CNTNAP5: variants seen among roughly 807,000 people sequenced by gnomAD.
CNTNAP5 encodes the protein contactin-associated protein-like 5.
CNTNAP5 carries 72 observed loss-of-function variants against 150.2 expected under a neutral mutation model. The ratio of observed to expected loss-of-function variants is 0.48; its 90% CI spans 0.40 to 0.58. CNTNAP5 has a LOEUF of 0.58. Among genes scored for constraint, CNTNAP5 ranks in the 20% least tolerant of loss-of-function variants. The pLI, the probability that CNTNAP5 is intolerant of heterozygous loss-of-function variation, is 0.00. For missense variants in CNTNAP5, 1,636 were observed against 1,626.2 expected, an observed-to-expected ratio of 1.01 and a Z score of -0.10; for synonymous variants, 672 against 619.8, an observed-to-expected ratio of 1.08 and a Z score of -1.25.
chr2:124,197,357 T>C (rs996724073), intron 1 of CNTNAP5, among the ~76,000 whole-genome samples: 1 of 152,220 alleles, frequency 6.6e-6, no homozygotes, highest in Admixed American at 6.5e-5. Flanking sequence ...TATAAATAAA[T>C]TGAGTTGACT....
chr2:124,407,126 G>C (rs970393817), intron 3 of CNTNAP5, among the ~76,000 whole-genome samples: 2 of 152,050 alleles, frequency 1.3e-5, no homozygotes, highest in African/African-American at 2.4e-5. Flanking sequence ...CTTTGCTGTT[G>C]TAAGTAGTGC....
chr2:124,753,437 G>C (rs1451620189), intron 14 of CNTNAP5, among the ~76,000 whole-genome samples: 1 of 152,188 alleles, frequency 6.6e-6, no homozygotes, highest in Non-Finnish European at 1.5e-5. Flanking sequence ...AGCCATGATA[G>C]AATTAGTTGA....
chr2:124,158,437 C>A (rs1684596753), intron 1 of CNTNAP5, among the ~76,000 whole-genome samples: 1 of 152,146 alleles, frequency 6.6e-6, no homozygotes, highest in African/African-American at 2.4e-5. Flanking sequence ...ACTTATAGTA[C>A]CTAATACTTG....
At chr2:124,713,646 G>T (rs1421648135) in intron 13 of CNTNAP5, among the ~76,000 whole-genome samples, 1 of 151,952 alleles carries the variant, frequency 6.6e-6, no homozygotes, top group Non-Finnish European at 1.5e-5. Flanking sequence ...AAAGTGCTGG[G>T]ATTACAGGCG....
At chr2:124,756,704 G>T (rs1309272085) in intron 14 of CNTNAP5, among the ~76,000 whole-genome samples, 1 of 152,072 alleles carries the variant, frequency 6.6e-6, no homozygotes, top group Non-Finnish European at 1.5e-5. Flanking sequence ...AAAAGTGGGG[G>T]TCGACTGATG....
intron 13 of CNTNAP5, among the ~76,000 whole-genome samples, chr2:124,695,673 G>T (rs113475031): frequency 1.3e-5 from 2 of 152,142 alleles, no homozygotes. Flanking sequence ...TGTGTTAATC[G>T]AAAGGAATCT....
intron 13 of CNTNAP5, among the ~76,000 whole-genome samples, chr2:124,713,492 C>T (rs1679882100): frequency 6.6e-6 from 1 of 151,328 alleles, no homozygotes; most frequent in Non-Finnish European, 1.5e-5. Context: ...ATTCTCCTGC[C>T]TCAGCCTCCC....
intron 21 of CNTNAP5, among the ~76,000 whole-genome samples, chr2:124,879,482 G>A (rs2104736076): frequency 6.6e-6 from 1 of 152,154 alleles, no homozygotes. Flanking sequence ...TTTTTCTCAC[G>A]AATGTGTGTG....
At position 124,599,680 on chromosome 2, in the gene CNTNAP5, A is replaced by G. The variant is rs573642460; in HGVS notation, c.1757-10121A>G. 1.2e-4 allele frequency among the ~76,000 whole-genome samples: 18 copies of G among 152,282 alleles called. No homozygotes were observed. In the East Asian group the frequency reaches 3.1e-3, roughly 26 times the overall value. On this transcript the variant is annotated intron_variant, in intron 11 of 23. Transcript: ENST00000682447. ...CTTTAAAAGGTTCATTTGAGAAACCATTTACTCTCACAATATTACAATCTT... is the reference window on the plus strand; with the variant it reads ...CTTTAAAAGGTTCATTTGAGAAACCGTTTACTCTCACAATATTACAATCTT...
At position 124,916,751 on chromosome 2, in the gene CNTNAP5, C is replaced by G. The variant is rs981910861; in HGVS notation, c.*2463C>G. 1.3e-5 allele frequency among the ~76,000 whole-genome samples: 2 copies of G among 152,038 alleles called. No homozygotes were observed. Among genetic ancestry groups the G allele is most frequent in the Non-Finnish European group, 2.9e-5 (2 of 67,992 alleles). On this transcript the variant is annotated 3_prime_UTR_variant, in exon 24 of 24. Transcript: ENST00000682447. Reference sequence around the variant, plus strand: ...ACAAAATCAACTGGCATCTTCCTCACGTGTGTAGACTCCATGCACACTACA... The same window carrying G: ...ACAAAATCAACTGGCATCTTCCTCAGGTGTGTAGACTCCATGCACACTACA...
intron 1 of CNTNAP5, among the ~76,000 whole-genome samples, chr2:124,094,444 G>A (rs141448769): frequency 6.6e-6 from 1 of 152,294 alleles, no homozygotes; most frequent in African/African-American, 2.4e-5. Flanking sequence ...TCTCTGGGCT[G>A]AGAGGCCATC....
Position 124,122,359 on chromosome 2 carries a change from G to C in CNTNAP5, c.82+96627G>C, listed in dbSNP as rs58030999. Among the ~76,000 whole-genome samples, 196 of 152,260 alleles carry C rather than the reference G, an allele frequency of 1.3e-3. 1 individual carries two copies. The highest frequency in any genetic ancestry group is 4.5e-3 in the African/African-American group (185 of 41,536). On this transcript the variant is annotated intron_variant, in intron 1 of 23. Coordinates refer to ENST00000682447, the MANE Select transcript of CNTNAP5 (RefSeq NM_001367498.1). ...ATAACAGCCCTTGCTTATTTTTAAA[G>C]TGTTTGCATATTGAATGATTCTGGT...
intron 3 of CNTNAP5, among the ~76,000 whole-genome samples, chr2:124,269,739 C>T (rs1256347007): frequency 6.6e-6 from 1 of 152,076 alleles, no homozygotes; most frequent in East Asian, 1.9e-4. Context: ...ATTCAAGTCA[C>T]GACCTTATCC....
intron 12 of CNTNAP5, among the ~76,000 whole-genome samples, chr2:124,626,739 G>A (rs1000899829): frequency 5.3e-5 from 8 of 152,168 alleles, no homozygotes; most frequent in African/African-American, 1.9e-4. Context: ...GGGGGCTGTA[G>A]CCAGGGAGCC....
At position 124,027,321 on chromosome 2, in the gene CNTNAP5, T is replaced by C. The variant is rs369436697; in HGVS notation, c.82+1589T>C. On this transcript the variant is annotated intron_variant, in intron 1 of 23. Coordinates refer to ENST00000682447, the MANE Select transcript of CNTNAP5 (RefSeq NM_001367498.1). ...TCTCCACCTTCTAGAACACTAGAGGTCAGTATTGTCCTAATGATACAAAGG... is the reference window on the plus strand; with the variant it reads ...TCTCCACCTTCTAGAACACTAGAGGCCAGTATTGTCCTAATGATACAAAGG... Among the ~76,000 whole-genome samples the C allele has an allele frequency of 8.5e-5, 13 of 152,222 alleles. No individual in the cohort carries two copies. In the South Asian group the frequency reaches 2.7e-3, roughly 32 times the overall value.
chr2:124,875,611 CT>C (rs2104731963), intron 21 of CNTNAP5, among the ~76,000 whole-genome samples: 1 of 151,338 alleles, frequency 6.6e-6, no homozygotes, highest in Admixed American at 6.6e-5. Flanking sequence ...ATGCAAATTA[CT>C]TGGTATTTAG....
At chr2:124,268,097 C>T (rs576860343) in intron 3 of CNTNAP5, among the ~76,000 whole-genome samples, 54 of 152,266 alleles carry the variant, frequency 3.5e-4, no homozygotes, top group African/African-American at 8.2e-4. Flanking sequence ...GGCTATCTTT[C>T]GACCAATAGA....
intron 13 of CNTNAP5, among the ~76,000 whole-genome samples, chr2:124,703,375 A>G (rs1247255471): frequency 6.6e-6 from 1 of 152,076 alleles, no homozygotes; most frequent in Non-Finnish European, 1.5e-5. Flanking sequence ...ATTGGCTAAT[A>G]TCTTCATGTC....
chr2:124,597,468 G>GC (rs1355987015), intron 11 of CNTNAP5, among the ~76,000 whole-genome samples: 2 of 149,216 alleles, frequency 1.3e-5, no homozygotes, highest in Non-Finnish European at 3.0e-5. Context: ...TTGAATATTG[G>GC]CCCCCACTCT....
Sources: allele counts gnomAD v4.1 joint callset (sites outside exome capture counted in the v4.1 genomes callset), GRCh38; gene constraint gnomAD v4.1.1; transcripts MANE v1.5; gene names NCBI Gene and HGNC (gene_info 2026-07-23, HGNC 2026-07-21).